RRN3: variants seen among roughly 807,000 people sequenced by gnomAD.
RRN3 encodes the protein RNA polymerase I transcription factor RRN3, also known as RNA polymerase I-specific transcription initiation factor RRN3.
Under a neutral mutation model 82.3 loss-of-function variants are expected in RRN3, and 38 were observed. The ratio of observed to expected loss-of-function variants is 0.46; its 90% CI spans 0.36 to 0.61. The LOEUF is 0.61. Ranked by LOEUF, RRN3 falls within the 20% of genes least tolerant of loss-of-function variation. The pLI is 0.00. For missense variants in RRN3, 726 were observed against 793.1 expected, an observed-to-expected ratio of 0.92 and a Z score of 1.02; for synonymous variants, 284 against 284.3, an observed-to-expected ratio of 1.00 and a Z score of 0.01.
At chr16:15,082,330 T>G (rs971969775) in intron 8 of RRN3, among the ~76,000 whole-genome samples, 4 of 152,168 alleles carry the variant, frequency 2.6e-5, no homozygotes, top group Admixed American at 6.6e-5. Flanking sequence ...GTGGTTTTTG[T>G]CCTTTGTTCT....
chr16:15,073,726 C>T (rs2045337087), intron 11 of RRN3, among the ~76,000 whole-genome samples: 2 of 152,124 alleles, frequency 1.3e-5, no homozygotes, highest in Non-Finnish European at 2.9e-5. Context: ...ATAACTGTTA[C>T]TTATCATGGT....
At chr16:15,072,547 A>G (rs1162743432) in intron 12 of RRN3, among the ~76,000 whole-genome samples, 6 of 152,114 alleles carry the variant, frequency 3.9e-5, no homozygotes, top group Non-Finnish European at 8.8e-5. Flanking sequence ...CACACCTGTA[A>G]TCCCAACGCT....
chr16:15,090,770 C>T (rs2046097592), intron 3 of RRN3, among the ~76,000 whole-genome samples: 1 of 152,120 alleles, frequency 6.6e-6, no homozygotes, highest in Non-Finnish European at 1.5e-5. Context: ...AAACCATTCT[C>T]TTCAAAACTG....
rs780076230 is a variant in RRN3 at position 15,094,157 on chromosome 16, G to C, written c.77C>G (p.Ala26Gly). The change falls in exon 1 of 18, where the codon GCG (alanine) becomes GGG (glycine). Residue 26 changes from alanine to glycine, a missense_variant. By Grantham distance (60) the Ala-to-Gly change is moderately conservative (BLOSUM62 0). Around this residue, in one of 4 missense-constraint regions of RRN3, gnomAD observed 135 missense variants for 87.4 expected, o/e 1.55. Transcript: ENST00000198767. ...ASSSAVKKLG[A>G]SRTGISNMRA... ...GCCTGAATCTTACCCAGTCCTCGAC[G>C]CGCCCAGCTTCTTAACTGCAGAGGA... 3 of 1,599,692 alleles carry C rather than the reference G, an allele frequency of 1.9e-6. No individual in the cohort carries two copies. Among genetic ancestry groups the C allele is most frequent in the Non-Finnish European group, 2.6e-6 (3 of 1,173,306 alleles).
chr16:15,071,135 T>A lies in RRN3; in HGVS notation c.1245A>T (p.Lys415Asn). ...NYIGSFLARA[K>N]FIPLITVKSC... ...AGGCTACTTACATAAGAGGAATAAA[T>A]TTAGCTCTTGCCAAAAAGCTTCCAA... is the stretch of plus-strand genomic sequence containing the variant. The change falls in exon 13 of 18, where the codon AAA becomes AAT. Residue 415 changes from lysine (K) to asparagine (N), a missense_variant. Transcript: ENST00000198767. The A allele has an allele frequency of 6.2e-7, 1 of 1,609,082 alleles. No homozygotes were observed. Among genetic ancestry groups the A allele is most frequent in the Non-Finnish European group, 8.5e-7 (1 of 1,178,770 alleles).
intron 2 of RRN3, 131 bp downstream of exon 2, chr16:15,092,378 T>C (rs2046169409): frequency 5.9e-6 from 4 of 675,388 alleles, no homozygotes; most frequent in Non-Finnish European, 5.4e-6. Context: ...GACGGCATCA[T>C]GCTATTATTA....
intron 14 of RRN3, among the ~76,000 whole-genome samples, chr16:15,069,184 CCTGGCAGTAT>C (rs1460496269): frequency 1.3e-5 from 2 of 152,242 alleles, no homozygotes; most frequent in South Asian, 4.1e-4. Flanking sequence ...GCAGAGGACA[CCTGGCAGTAT>C]CTGGAGACAC....
At chr16:15,066,022 G>C (rs920428882) in intron 15 of RRN3, among the ~76,000 whole-genome samples, 4 of 152,206 alleles carry the variant, frequency 2.6e-5, no homozygotes, top group African/African-American at 9.6e-5. Context: ...TGAGCAACTT[G>C]AAAAATTATC....
chr16:15,084,376 A>G (rs1031074533), intron 7 of RRN3, among the ~76,000 whole-genome samples: 14 of 152,236 alleles, frequency 9.2e-5, no homozygotes, highest in African/African-American at 2.7e-4. Context: ...TTTGGATAGC[A>G]TATCTGTTGA....
chr16:15,074,194 G>A (rs560333755), intron 11 of RRN3, among the ~76,000 whole-genome samples: 2 of 152,252 alleles, frequency 1.3e-5, no homozygotes, highest in African/African-American at 4.8e-5. Flanking sequence ...AAACAGTAAT[G>A]CAGTCAACTC....
chr16:15,086,349 T>C lies in RRN3; in HGVS notation c.342+16A>G, dbSNP rs1445497001. 1 of 1,613,286 alleles carries C rather than the reference T, an allele frequency of 6.2e-7. No individual in the cohort carries two copies. The highest frequency in any genetic ancestry group is 8.5e-7 in the Non-Finnish European group (1 of 1,179,472). On this transcript the variant is annotated intron_variant, in intron 4 of 17. Coordinates refer to ENST00000198767, the MANE Select transcript of RRN3 (RefSeq NM_018427.5). ...CTGAATTACATACTTTACAGTAAAATAAATGGTGAACTTACTAATATAATA... is the reference window on the plus strand; with the variant it reads ...CTGAATTACATACTTTACAGTAAAACAAATGGTGAACTTACTAATATAATA...
intron 3 of RRN3, among the ~76,000 whole-genome samples, chr16:15,089,585 G>A (rs1297108242): frequency 6.6e-6 from 1 of 151,846 alleles, no homozygotes; most frequent in Non-Finnish European, 1.5e-5. Flanking sequence ...CGGATCACGA[G>A]GTCAGAAGAT....
At chr16:15,072,856 T>G (rs2045294877) in intron 12 of RRN3, 94 bp downstream of exon 12, 1 of 1,249,128 alleles carries the variant, frequency 8.0e-7, no homozygotes, top group Non-Finnish European at 1.1e-6. Flanking sequence ...AAAGAATTAT[T>G]TACTTCATGG....
intron 12 of RRN3, among the ~76,000 whole-genome samples, chr16:15,072,146 G>A (rs1196354606): frequency 6.6e-6 from 1 of 151,258 alleles, no homozygotes; most frequent in Non-Finnish European, 1.5e-5. Context: ...TGGGCAGACT[G>A]AATTCAACCT....
intron 14 of RRN3, among the ~76,000 whole-genome samples, chr16:15,069,857 T>A (rs980935026): frequency 3.9e-5 from 6 of 152,178 alleles, no homozygotes; most frequent in Admixed American, 6.5e-5. Flanking sequence ...CTCAAATCCA[T>A]CTTAAGGGGT....
At chr16:15,093,842 A>C in intron 1 of RRN3, 12 of 433,712 alleles carry the variant, frequency 2.8e-5, no homozygotes, top group Non-Finnish European at 4.9e-5. Context: ...ATTTGGACGA[A>C]GAAGAGGGAA....
At chr16:15,081,715 G>C (rs1386588206) in intron 8 of RRN3, among the ~76,000 whole-genome samples, 1 of 152,058 alleles carries the variant, frequency 6.6e-6, no homozygotes, top group Non-Finnish European at 1.5e-5. Context: ...TTGGTTGCTT[G>C]TGCTTAGGCA....
At chr16:15,083,000 T>C (rs1474914628) in intron 8 of RRN3, among the ~76,000 whole-genome samples, 2 of 152,168 alleles carry the variant, frequency 1.3e-5, no homozygotes, top group Non-Finnish European at 2.9e-5. Context: ...CACATAGTAA[T>C]AACAGAAAAA....
At chr16:15,086,611 T>C (rs965191303) in intron 3 of RRN3, among the ~76,000 whole-genome samples, 157 bp from the exon 4 acceptor site, 5 of 152,244 alleles carry the variant, frequency 3.3e-5, no homozygotes, top group African/African-American at 1.2e-4. Context: ...CAGAAAAAGA[T>C]GTCACAATAA....
Sources: gnomAD v4.1 joint callset for allele counts (sites outside exome capture counted in the v4.1 genomes callset) on GRCh38, gnomAD v4.1.1 for gene constraint, gnomAD v4.1.1 regional missense constraint, MANE v1.5 for transcripts, NCBI Gene and HGNC (gene_info 2026-07-23, HGNC 2026-07-21) for gene names.